ASMTL: variants seen among roughly 807,000 people sequenced by gnomAD.
The protein encoded by ASMTL is acetylserotonin O-methyltransferase like.
A neutral mutation model predicts 60.3 loss-of-function variants in ASMTL; 57 were observed. The ratio of observed to expected loss-of-function variants is 0.95; its 90% CI spans 0.76 to 1.18. The LOEUF (loss-of-function observed/expected upper bound fraction) is 1.18, where lower values mean the gene tolerates loss of function less well. ASMTL is among the 50% of genes most tolerant of loss of function. The probability of loss-of-function intolerance (pLI) is 0.00; values close to 1 mark genes in which losing one functional copy is unlikely to be tolerated. For missense variants in ASMTL, 981 were observed against 852.6 expected (o/e 1.15, Z -1.88); for synonymous variants, 419 against 373.0 (o/e 1.12, Z -1.42).
rs1475342602 is a variant in ASMTL at position 1,413,082 on chromosome X, G to A, written c.1523-228C>T. The A allele has an allele frequency of 8.7e-6, 5 of 572,128 alleles. 1 individual carries two copies. The East Asian group carries it at 1.1e-4, about 13-fold the overall frequency. The allele number at this position is 572,128 out of a possible 1,614,324, so 35.4% of individuals were successfully genotyped here. ...GCGGTTTGACTCGGGCTGAGAAAAC[G>A]CTGGGGACAGTGGCTCACACCTGTA... On this transcript the variant is annotated intron_variant, in intron 11 of 12. Transcript: ENST00000381317.
chrX:1,416,008 G>GGCAC (rs1556656089), intron 11 of ASMTL, among the ~76,000 whole-genome samples: 2 of 150,126 alleles, frequency 1.3e-5, no homozygotes, highest in Non-Finnish European at 3.0e-5. Flanking sequence ...CAGCAAGACA[G>GGCAC]GCACACACAC....
intron 3 of ASMTL, among the ~76,000 whole-genome samples, chrX:1,437,572 T>A (rs1331570436): frequency 1.2e-4 from 18 of 152,050 alleles, no homozygotes; most frequent in African/African-American, 4.1e-4. Flanking sequence ...CAGGCTGCTA[T>A]CACAGAATAC....
intron 1 of ASMTL, among the ~76,000 whole-genome samples, chrX:1,447,370 A>T (rs2091249537): frequency 6.6e-6 from 1 of 151,462 alleles, no homozygotes; most frequent in African/African-American, 2.4e-5. Flanking sequence ...TCTTGGACAC[A>T]CATGGCCATC....
chrX:1,446,169 G>C (rs2091226732), intron 1 of ASMTL, among the ~76,000 whole-genome samples: 1 of 152,146 alleles, frequency 6.6e-6, no homozygotes, highest in South Asian at 2.1e-4. Flanking sequence ...GGCGTAAGCT[G>C]TTTCTCTCCT....
At chrX:1,443,861 C>T (rs1307076535) in intron 1 of ASMTL, among the ~76,000 whole-genome samples, 3 of 151,942 alleles carry the variant, frequency 2.0e-5, no homozygotes, top group East Asian at 3.9e-4. Flanking sequence ...ACACCACCAT[C>T]GTGGACAGAC....
chrX:1,421,959 C>A (rs2090495936), intron 8 of ASMTL, 117 bp from the exon 9 acceptor site: 1 of 975,080 alleles, frequency 1.0e-6, no homozygotes, highest in African/African-American at 1.6e-5. Flanking sequence ...CTATAGCAAA[C>A]CGTACACTCA....
At chrX:1,420,224 A>G (rs2090443511) in intron 9 of ASMTL, among the ~76,000 whole-genome samples, 3 of 140,972 alleles carry the variant, frequency 2.1e-5, no homozygotes, top group Admixed American at 7.0e-5. Context: ...CTCTCTCCCT[A>G]TCTCACTATC....
At chrX:1,416,536 C>T (rs1201900966) in intron 11 of ASMTL, among the ~76,000 whole-genome samples, 5 of 151,358 alleles carry the variant, frequency 3.3e-5, no homozygotes, top group South Asian at 4.1e-4. Context: ...GATGGGCACA[C>T]GCACGGACAC....
intron 2 of ASMTL, among the ~76,000 whole-genome samples, chrX:1,439,850 A>G: frequency 6.8e-6 from 1 of 146,740 alleles, no homozygotes; most frequent in East Asian, 2.0e-4. Flanking sequence ...AAAAAAAAGA[A>G]AAAAAAAAAC....
At chrX:1,422,392 C>T (rs2090504990) in intron 8 of ASMTL, among the ~76,000 whole-genome samples, 1 of 152,136 alleles carries the variant, frequency 6.6e-6, no homozygotes, top group Admixed American at 6.5e-5. Flanking sequence ...CCTGGCCTGC[C>T]CTGTGGATTT....
chrX:1,418,950 G>A (rs1266723610), intron 10 of ASMTL, 32 bp downstream of exon 10: 7 of 1,611,086 alleles, frequency 4.3e-6, no homozygotes, highest in African/African-American at 2.7e-5. Flanking sequence ...ATAAACGAAA[G>A]TAAGGAGAGC....
rs762043732 is a variant in ASMTL, at chrX:1,421,793, T to C, written c.1110A>G (p.Glu370=). ...TANVYLASDG[E]YSLHGFIMHN... ...GCATGATGAAGCCGTGCAGAGAGTA[T>C]TCGCCATCCGATGCCAGGTAGACGT... Residue 370 remains glutamate, a synonymous_variant, in exon 9 of 13, where the codon GAA becomes GAG. Transcript: ENST00000381317. 2.8e-5 allele frequency: 45 copies of C among 1,613,730 alleles called. No individual in the cohort carries two copies. In the Middle Eastern group the frequency reaches 9.9e-4, roughly 35 times the overall value.
chrX:1,417,525 A>ACG (rs369187850), intron 11 of ASMTL, among the ~76,000 whole-genome samples: 2 of 121,330 alleles, frequency 1.6e-5, no homozygotes, highest in Non-Finnish European at 3.3e-5. Context: ...ACAGACATGC[A>ACG]CACACACACA....
intron 12 of ASMTL, 105 bp downstream of exon 12, chrX:1,412,627 C>G (rs5949003): frequency 0.43 from 652,492 of 1,505,978 alleles, 142,230 homozygotes; most frequent in Non-Finnish European, 0.43. Flanking sequence ...CCTCCCAAAG[C>G]GCTGGGATGA....
In ASMTL at chrX:1,427,770, G is replaced by A; in HGVS notation, c.861C>T (p.Arg287=). 1.2e-6 allele frequency: 2 copies of A among 1,612,872 alleles called. No individual in the cohort carries two copies. The highest frequency in any genetic ancestry group is 1.7e-6 in the Non-Finnish European group (2 of 1,179,498). ...TRETLPPFPT[R]LLELIEGFML... is the part of the protein sequence containing the mutation. The stretch of plus-strand genomic sequence containing the variant: ...TAAAGCCCTCAATCAGCTCCAGGAG[G>A]CGTGTCGGGAACGGAGGCAGGGTCT... Residue 287 remains arginine, a synonymous_variant, in exon 7 of 13, where the codon CGC becomes CGT. Transcript: ENST00000381317.
At chrX:1,432,197 G>C in intron 6 of ASMTL, 72 bp downstream of exon 6, 1 of 1,279,918 alleles carries the variant, frequency 7.8e-7, no homozygotes, top group Non-Finnish European at 1.1e-6. Flanking sequence ...AGGCTGGGTG[G>C]GACACCCCAC....
intron 12 of ASMTL, among the ~76,000 whole-genome samples, chrX:1,411,197 A>G (rs1198595902): frequency 7.0e-6 from 1 of 142,522 alleles, no homozygotes; most frequent in Non-Finnish European, 1.5e-5. Context: ...AAAAAAAAAG[A>G]AGAGAGATAC....
At chrX:1,428,354 C>T (rs1314821745) in intron 6 of ASMTL, among the ~76,000 whole-genome samples, 1 of 150,890 alleles carries the variant, frequency 6.6e-6, no homozygotes, top group Non-Finnish European at 1.5e-5. Context: ...AACAATTTCA[C>T]AGCAAGGCTG....
At position 1,435,778 on chromosome X, in the gene ASMTL, A is replaced by T. The variant is rs1569534164; in HGVS notation, c.274-20T>A. On this transcript the variant is annotated intron_variant, in intron 3 of 12. Transcript: ENST00000381317. ...GACTGTCTGTGAGAGGAAGGGACAGAGGGAGTTGGTTCCCACCGGCTGGGT... is the reference window on the plus strand; with the variant it reads ...GACTGTCTGTGAGAGGAAGGGACAGTGGGAGTTGGTTCCCACCGGCTGGGT... 6.2e-7 allele frequency: 1 copy of T among 1,611,236 alleles called. No individual in the cohort carries two copies. Among genetic ancestry groups the T allele is most frequent in the South Asian group, 1.1e-5 (1 of 91,018 alleles).
Sources: allele counts gnomAD v4.1 joint callset (sites outside exome capture counted in the v4.1 genomes callset), GRCh38; gene constraint gnomAD v4.1.1; transcripts MANE v1.5; gene names NCBI Gene and HGNC (gene_info 2026-07-23, HGNC 2026-07-21).